The following CDH20 variants were observed in gnomAD, a reference collection of about 807,000 sequenced individuals.
CDH20 encodes the protein cadherin 20, also known as cadherin-20.
Under a neutral mutation model 74.2 loss-of-function variants are expected in CDH20, and 29 were observed. The observed-to-expected ratio is 0.39, with a 90% CI of 0.29 to 0.53. CDH20 has a LOEUF of 0.53. Among genes scored for constraint, CDH20 ranks in the 20% least tolerant of loss-of-function variants. The probability of loss-of-function intolerance (pLI) is 0.69; values close to 1 mark genes in which losing one functional copy is unlikely to be tolerated. For synonymous variants in CDH20, 469 were observed against 405.4 expected, an observed-to-expected ratio of 1.16 and a Z score of -1.88; for missense variants, 988 against 1,048.3, an observed-to-expected ratio of 0.94 and a Z score of 0.79.
chr18:61,551,362 T>C (rs1453933450), intron 11 of CDH20, among the ~76,000 whole-genome samples: 4 of 152,146 alleles, frequency 2.6e-5, no homozygotes, highest in Admixed American at 2.6e-4. Context: ...GCCCTGAGGA[T>C]TGAAATTAGA....
intron 1 of CDH20, among the ~76,000 whole-genome samples, chr18:61,387,288 C>T (rs1445649446): frequency 1.3e-5 from 2 of 152,114 alleles, no homozygotes; most frequent in Non-Finnish European, 1.5e-5. Context: ...GACTGTCAGT[C>T]CTACCAAAAG....
intron 6 of CDH20, among the ~76,000 whole-genome samples, chr18:61,517,941 G>T (rs1004110326): frequency 7.9e-5 from 12 of 152,032 alleles, no homozygotes; most frequent in African/African-American, 2.9e-4. Flanking sequence ...GAGGGAGGGG[G>T]GTCCACCATT....
chr18:61,418,414 C>T (rs991226289), intron 1 of CDH20, among the ~76,000 whole-genome samples: 3 of 151,838 alleles, frequency 2.0e-5, no homozygotes, highest in South Asian at 2.1e-4. Flanking sequence ...ATTAGCCGGG[C>T]GAGGTCGTGG....
At chr18:61,479,716 C>T (rs1221983317) in intron 1 of CDH20, among the ~76,000 whole-genome samples, 1 of 151,968 alleles carries the variant, frequency 6.6e-6, no homozygotes, top group South Asian at 2.1e-4. Context: ...ATAATTTATC[C>T]AAATCCTGGA....
At position 61,384,462 on chromosome 18, in the gene CDH20, C is replaced by G. The variant is rs181657396; in HGVS notation, c.-153+50635C>G. ...AACTTAAAACCAGTGTGCTGTCTTACAATGTAGCATCTTTTCTCAAGTAAT... is the reference window on the plus strand; with the variant it reads ...AACTTAAAACCAGTGTGCTGTCTTAGAATGTAGCATCTTTTCTCAAGTAAT... On this transcript the variant is annotated intron_variant, in intron 1 of 11. Transcript: ENST00000262717. Among the ~76,000 whole-genome samples the G allele has an allele frequency of 1.9e-3, 291 of 152,246 alleles. 1 individual carries two copies. Among genetic ancestry groups the G allele is most frequent in the African/African-American group, 6.7e-3 (280 of 41,548 alleles).
chr18:61,384,868 C>T (rs1287341174), intron 1 of CDH20, among the ~76,000 whole-genome samples: 3 of 152,184 alleles, frequency 2.0e-5, no homozygotes, highest in Non-Finnish European at 4.4e-5. Context: ...ATATGATTAG[C>T]TCAATAAATA....
At chr18:61,420,668 C>T (rs1334975440) in intron 1 of CDH20, among the ~76,000 whole-genome samples, 2 of 152,124 alleles carry the variant, frequency 1.3e-5, no homozygotes, top group Non-Finnish European at 2.9e-5. Context: ...AGAATGAGGC[C>T]TCCTTTTCAG....
chr18:61,533,030 C>T (rs895753091), intron 7 of CDH20, among the ~76,000 whole-genome samples: 1 of 152,100 alleles, frequency 6.6e-6, no homozygotes, highest in Non-Finnish European at 1.5e-5. Flanking sequence ...CCTGTAATCC[C>T]CACTACTTGG....
intron 1 of CDH20, among the ~76,000 whole-genome samples, chr18:61,458,463 A>G (rs1294386697): frequency 6.6e-6 from 1 of 152,140 alleles, no homozygotes; most frequent in African/African-American, 2.4e-5. Context: ...ACACGAGACC[A>G]CCACAGCCCT....
chr18:61,454,231 A>G (rs1418628327), intron 1 of CDH20, among the ~76,000 whole-genome samples: 1 of 152,124 alleles, frequency 6.6e-6, no homozygotes, highest in African/African-American at 2.4e-5. Flanking sequence ...TGGTTTCCAA[A>G]TCTTTTATCC....
intron 6 of CDH20, among the ~76,000 whole-genome samples, chr18:61,527,412 T>TAGATAGATAGATAGAC (rs1420336443): frequency 6.6e-6 from 1 of 150,808 alleles, no homozygotes; most frequent in Admixed American, 6.6e-5. Context: ...GATAGATAGA[T>TAGATAGATAGATAGAC]AGAATAGATA....
At chr18:61,426,186 AAAAAT>A (rs563363804) in intron 1 of CDH20, among the ~76,000 whole-genome samples, 25 of 152,106 alleles carry the variant, frequency 1.6e-4, no homozygotes, top group East Asian at 7.7e-4. Flanking sequence ...TTCCTTTCCA[AAAAAT>A]AAAATAAAAT....
At chr18:61,540,805 C>T (rs1297335336) in intron 9 of CDH20, among the ~76,000 whole-genome samples, 1 of 152,210 alleles carries the variant, frequency 6.6e-6, no homozygotes, top group African/African-American at 2.4e-5. Context: ...GCTCTCTGAA[C>T]TCACCAAAGA....
intron 1 of CDH20, among the ~76,000 whole-genome samples, chr18:61,479,608 G>T (rs1910515840): frequency 6.6e-6 from 1 of 152,016 alleles, no homozygotes; most frequent in South Asian, 2.1e-4. Flanking sequence ...TGTTTTTCTT[G>T]GTTAACAATT....
chr18:61,504,308 G>C (rs1381234015), intron 5 of CDH20, among the ~76,000 whole-genome samples: 1 of 152,210 alleles, frequency 6.6e-6, no homozygotes, highest in Non-Finnish European at 1.5e-5. Context: ...AGCAGGATGA[G>C]TGGAATGGGA....
chr18:61,521,613 A>G (rs1912209773), intron 6 of CDH20, among the ~76,000 whole-genome samples: 1 of 151,422 alleles, frequency 6.6e-6, no homozygotes, highest in African/African-American at 2.5e-5. Context: ...TGGCAGAGAC[A>G]CAACAAAAAA....
chr18:61,530,802 G>A (rs1912611370), intron 7 of CDH20, among the ~76,000 whole-genome samples: 1 of 152,144 alleles, frequency 6.6e-6, no homozygotes, highest in South Asian at 2.1e-4. Context: ...TGTGGAAACT[G>A]CCTGCCCCCC....
At chr18:61,365,496 T>C (rs1568112175) in intron 1 of CDH20, among the ~76,000 whole-genome samples, 1 of 152,108 alleles carries the variant, frequency 6.6e-6, no homozygotes, top group African/African-American at 2.4e-5. Context: ...GGGTTTCCAG[T>C]GAGAGTACCA....
chr18:61,538,614 G>GTTTTTTTTT (rs541920246), intron 8 of CDH20, among the ~76,000 whole-genome samples: 1 of 57,550 alleles, frequency 1.7e-5, no homozygotes, highest in Non-Finnish European at 3.5e-5. Flanking sequence ...TTTTGTTTTT[G>GTTTTTTTTT]TTTTTGTTTT....
Sources: gnomAD v4.1 joint callset for allele counts (sites outside exome capture counted in the v4.1 genomes callset) on GRCh38, gnomAD v4.1.1 for gene constraint, MANE v1.5 for transcripts, NCBI Gene and HGNC (gene_info 2026-07-23, HGNC 2026-07-21) for gene names.